PPFIA1: variants seen among roughly 807,000 people sequenced by gnomAD.
PPFIA1 encodes the protein liprin-alpha-1.
PPFIA1 carries 25 observed loss-of-function variants against 149.9 expected under a neutral mutation model. The ratio of observed to expected loss-of-function variants is 0.17; its 90% CI spans 0.12 to 0.23. PPFIA1 has a LOEUF of 0.23. Among genes scored for constraint, PPFIA1 ranks in the 10% least tolerant of loss-of-function variants. The pLI is 1.00. For synonymous variants in PPFIA1, 549 were observed against 552.8 expected (o/e 0.99, Z 0.10); for missense variants, 1,362 against 1,506.5 (o/e 0.90, Z 1.59).
chr11:70,362,545 T>C (rs2056714712), intron 21 of PPFIA1, 57 bp downstream of exon 21: 1 of 1,501,810 alleles, frequency 6.7e-7, no homozygotes, highest in South Asian at 1.3e-5. Flanking sequence ...TCTCTGAAGG[T>C]ATCACTGCCC....
At chr11:70,333,892 A>C (rs1433366980) in intron 10 of PPFIA1, among the ~76,000 whole-genome samples, 1 of 152,122 alleles carries the variant, frequency 6.6e-6, no homozygotes. Context: ...TACCCCCTGC[A>C]AATGTAGAGG....
chr11:70,307,737 TAGAC>T (rs1170538253), intron 2 of PPFIA1, among the ~76,000 whole-genome samples: 8 of 151,590 alleles, frequency 5.3e-5, no homozygotes, highest in African/African-American at 7.3e-5. Flanking sequence ...CTGGGCAACA[TAGAC>T]AGACCTTACC....
intron 2 of PPFIA1, among the ~76,000 whole-genome samples, chr11:70,309,091 T>C (rs2053081159): frequency 6.6e-6 from 1 of 152,200 alleles, no homozygotes; most frequent in South Asian, 2.1e-4. Flanking sequence ...GGGTTTTTTT[T>C]TACTAATATA....
chr11:70,382,140 C>T lies in PPFIA1; in HGVS notation c.3603C>T (p.Ser1201=). ...ATTCTGCTACAGTCAGGACTTACTC[C>T]TGCTAAAGTCTCCTGTTGGTGAGTA... The part of the protein sequence containing the change: ...RLDSATVRTY[S]C Residue 1201 remains serine (S), a synonymous_variant, in exon 27 of 28, where the codon TCC becomes TCT. Coordinates refer to ENST00000253925, the MANE Select transcript of PPFIA1 (RefSeq NM_003626.5). 1 of 1,613,744 alleles carries T rather than the reference C, an allele frequency of 6.2e-7. No homozygotes were observed.
At chr11:70,350,914 A>G in intron 16 of PPFIA1, 1 of 818,070 alleles carries the variant, frequency 1.2e-6, no homozygotes, top group Non-Finnish European at 1.6e-6. Context: ...ATATTTGCTT[A>G]TACTGATCCT....
In PPFIA1 at chr11:70,362,087, C is replaced by T. The variant is rs768982208; in HGVS notation, c.2583-8C>T. 6.8e-6 allele frequency: 11 copies of T among 1,613,230 alleles called. No homozygotes were observed. In the South Asian group the frequency reaches 1.1e-4, roughly 16 times the overall value. ...ATTCTTTAATTTTCAATATCTTCTCCTTTATAGGCATGAATTGCTGGAGGA... is the reference window on the plus strand; with the variant it reads ...ATTCTTTAATTTTCAATATCTTCTCTTTTATAGGCATGAATTGCTGGAGGA... On this transcript the variant is annotated splice_polypyrimidine_tract_variant and splice_region_variant and intron_variant, in intron 19 of 27. Coordinates refer to ENST00000253925, the MANE Select transcript of PPFIA1 (RefSeq NM_003626.5).
In PPFIA1 at chr11:70,384,181, A is replaced by G. The variant is rs1207076198; in HGVS notation, c.*1191A>G. ...GACCATGGCGTGGTATTTATTGTGCAGCAGATCCAGAGACAGAGGCAGCCT... is the reference window on the plus strand; with the variant it reads ...GACCATGGCGTGGTATTTATTGTGCGGCAGATCCAGAGACAGAGGCAGCCT... On this transcript the variant is annotated 3_prime_UTR_variant, in exon 28 of 28. Coordinates refer to ENST00000253925, the MANE Select transcript of PPFIA1 (RefSeq NM_003626.5). 1 of 152,262 alleles carries G rather than the reference A, an allele frequency of 6.6e-6. No individual in the cohort carries two copies. Among genetic ancestry groups the G allele is most frequent in the African/African-American group, 2.4e-5 (1 of 41,464 alleles). 9.4% of individuals were successfully genotyped at this position (152,262 alleles called of 1,614,324 possible).
At position 70,335,634 on chromosome 11, in the gene PPFIA1, A is replaced by G; in HGVS notation, c.1368A>G (p.Ser456=). Residue 456 remains serine (S), a synonymous_variant, in exon 11 of 28, where the codon TCA becomes TCG. Coordinates refer to ENST00000253925, the MANE Select transcript of PPFIA1 (RefSeq NM_003626.5). ...CAGACACTGTTGACAAGCTGCTTTC[A>G]GAATCTAATGAGAGGCTTCAACTTC... ...RLSDTVDKLL[S]ESNERLQLHL... is the part of the protein sequence containing the mutation. The G allele has an allele frequency of 6.2e-7, 1 of 1,614,078 alleles. No homozygotes were observed. Among genetic ancestry groups the G allele is most frequent in the Non-Finnish European group, 8.5e-7 (1 of 1,179,940 alleles).
At chr11:70,377,891 TG>T in intron 25 of PPFIA1, 138 bp from the exon 26 acceptor site, 1 of 707,356 alleles carries the variant, frequency 1.4e-6, no homozygotes, top group Non-Finnish European at 2.3e-6. Context: ...ATATATTGTG[TG>T]GTCATCAAGA....
intron 2 of PPFIA1, among the ~76,000 whole-genome samples, chr11:70,310,540 C>T (rs924841607): frequency 2.6e-5 from 4 of 151,988 alleles, no homozygotes; most frequent in Non-Finnish European, 5.9e-5. Context: ...TGCGCGCCAC[C>T]ACGCCCAGTT....
intron 21 of PPFIA1, chr11:70,365,931 G>A (rs963590638): frequency 4.4e-6 from 2 of 456,410 alleles, no homozygotes; most frequent in East Asian, 6.9e-5. Flanking sequence ...TCCTAACCAC[G>A]TAACCCCAGG....
intron 16 of PPFIA1, among the ~76,000 whole-genome samples, chr11:70,351,849 C>T (rs1403379080): frequency 6.6e-6 from 1 of 152,220 alleles, no homozygotes; most frequent in Non-Finnish European, 1.5e-5. Flanking sequence ...GTCTCAGATA[C>T]TCTGACCTCC....
chr11:70,307,614 TA>T (rs912785902), intron 2 of PPFIA1, among the ~76,000 whole-genome samples: 11 of 151,264 alleles, frequency 7.3e-5, no homozygotes, highest in African/African-American at 2.7e-4. Flanking sequence ...AAGGTGTGTG[TA>T]AAAAAAAAGA....
In PPFIA1 at chr11:70,309,233, G is replaced by A. The variant is rs997992148; in HGVS notation, c.265-15169G>A. ...CACCCAGGCTGGAGTGCAGTGGCGC[G>A]ATCTCTGCCGACCGCAACCTCCGCC... On this transcript the variant is annotated intron_variant, in intron 2 of 27. Coordinates refer to ENST00000253925, the MANE Select transcript of PPFIA1 (RefSeq NM_003626.5). Among the ~76,000 whole-genome samples, 8 of 151,878 alleles carry A rather than the reference G, an allele frequency of 5.3e-5. No individual in the cohort carries two copies. The South Asian group carries it at 6.2e-4, about 12-fold the overall frequency.
chr11:70,350,740 A>G (rs1464968919), intron 16 of PPFIA1, among the ~76,000 whole-genome samples: 1 of 152,206 alleles, frequency 6.6e-6, no homozygotes, highest in African/African-American at 2.4e-5. Context: ...ATAGAATGCC[A>G]TATTTTAATA....
At chr11:70,272,145 T>A in intron 1 of PPFIA1, 28 bp from the exon 2 acceptor site, 1 of 1,603,804 alleles carries the variant, frequency 6.2e-7, no homozygotes, top group South Asian at 1.1e-5. Context: ...TGAGCTTAAT[T>A]ACTGTAGCCT....
intron 2 of PPFIA1, among the ~76,000 whole-genome samples, chr11:70,295,771 G>T (rs2051935790): frequency 6.6e-6 from 1 of 151,414 alleles, no homozygotes; most frequent in Admixed American, 6.6e-5. Context: ...CGGGACGGCT[G>T]GCCTGGCGGG....
At chr11:70,297,531 T>C (rs1445212124) in intron 2 of PPFIA1, among the ~76,000 whole-genome samples, 1 of 152,214 alleles carries the variant, frequency 6.6e-6, no homozygotes, top group African/African-American at 2.4e-5. Context: ...AAGGGTGCAT[T>C]CATGTGTGAG....
chr11:70,326,399 T>C (rs1369444537), intron 6 of PPFIA1, 36 bp downstream of exon 6: 1 of 1,514,744 alleles, frequency 6.6e-7, no homozygotes, highest in South Asian at 1.2e-5. Context: ...TCTGTTTGAT[T>C]TCATTTGTTC....
Sources: gnomAD v4.1 joint callset for allele counts (sites outside exome capture counted in the v4.1 genomes callset) on GRCh38, gnomAD v4.1.1 for gene constraint, MANE v1.5 for transcripts, NCBI Gene and HGNC (gene_info 2026-07-23, HGNC 2026-07-21) for gene names.